Variants in SYN3 observed in about 807,000 individuals in gnomAD.
The protein encoded by SYN3 is synapsin III, also known as synapsin-3.
Under a neutral mutation model 65.8 loss-of-function variants are expected in SYN3, and 35 were observed. That is an observed-to-expected ratio of 0.53 (90% CI 0.41 to 0.70). The LOEUF (loss-of-function observed/expected upper bound fraction) is 0.70. Ranked by LOEUF, SYN3 falls within the 30% of genes least tolerant of loss-of-function variation. SYN3 has a pLI of 0.00. For missense variants in SYN3, 680 were observed against 749.0 expected (o/e 0.91, Z 1.08); for synonymous variants, 270 against 292.9 (o/e 0.92, Z 0.80).
chr22:32,954,106 AC>A (rs2051372600), intron 3 of SYN3, among the ~76,000 whole-genome samples: 1 of 138,578 alleles, frequency 7.2e-6, no homozygotes, highest in South Asian at 2.2e-4. Context: ...ACCCAACAAA[AC>A]AAAACAAAAC....
intron 3 of SYN3, among the ~76,000 whole-genome samples, chr22:32,975,325 A>C (rs1218520550): frequency 6.6e-6 from 1 of 151,160 alleles, no homozygotes; most frequent in Non-Finnish European, 1.5e-5. Context: ...CAGTGAGCGG[A>C]GATCTCACCA....
chr22:32,573,989 A>T (rs1601669615), intron 7 of SYN3, among the ~76,000 whole-genome samples: 1 of 147,946 alleles, frequency 6.8e-6, no homozygotes, highest in East Asian at 2.0e-4. Flanking sequence ...TGTTGCCCAG[A>T]CTGGTCTCGA....
At chr22:32,633,133 A>T (rs1349184653) in intron 6 of SYN3, among the ~76,000 whole-genome samples, 2 of 152,246 alleles carry the variant, frequency 1.3e-5, no homozygotes, top group Non-Finnish European at 2.9e-5. Flanking sequence ...TGCTGTAAAG[A>T]TGAAGGGATT....
chr22:32,878,274 C>T (rs1300718832), intron 4 of SYN3, among the ~76,000 whole-genome samples: 4 of 152,162 alleles, frequency 2.6e-5, no homozygotes, highest in Admixed American at 6.5e-5. Flanking sequence ...GTATGTCACC[C>T]TGAAGTCATG....
At chr22:32,793,931 T>C (rs2046374114) in intron 6 of SYN3, among the ~76,000 whole-genome samples, 5 of 152,224 alleles carry the variant, frequency 3.3e-5, no homozygotes, top group Admixed American at 3.3e-4. Context: ...TGGTGACTTG[T>C]ATACTAAAAT....
At chr22:33,037,361 C>T (rs1349337894) in intron 1 of SYN3, among the ~76,000 whole-genome samples, 3 of 152,166 alleles carry the variant, frequency 2.0e-5, no homozygotes, top group African/African-American at 4.8e-5. Flanking sequence ...GGGCTTCTTT[C>T]CTCATTTGAA....
At position 32,525,828 on chromosome 22, in the gene SYN3, A is replaced by G. The variant is rs116769914; in HGVS notation, c.1318+2090T>C. ...TTTGCGAGGACTGACTTCAAGTTTG[A>G]AAGAAGTTCTACTATGGGTAAAATG... is the stretch of plus-strand genomic sequence containing the variant. On this transcript the variant is annotated intron_variant, in intron 12 of 13. Transcript: ENST00000358763. 1.9e-3 allele frequency among the ~76,000 whole-genome samples: 288 copies of G among 152,338 alleles called. 3 individuals are homozygous for G. Among genetic ancestry groups the G allele is most frequent in the Middle Eastern group, 6.8e-3 (2 of 294 alleles).
Position 32,788,456 on chromosome 22 carries a change from G to A in SYN3, c.711+76459C>T, listed in dbSNP as rs139083176. ...CTCAGGAGGCTGAGGCAGGAGAATC[G>A]CTTGAACTCAGAAGGCGGAGGTTGC... is the stretch of plus-strand genomic sequence containing the variant. On this transcript the variant is annotated intron_variant, in intron 6 of 13. Transcript: ENST00000358763. 2.1e-3 allele frequency among the ~76,000 whole-genome samples: 316 copies of A among 152,072 alleles called. 3 individuals carry two copies. Among genetic ancestry groups the A allele is most frequent in the South Asian group, 0.012 (57 of 4,822 alleles).
At chr22:32,676,251 C>A (rs990225770) in intron 6 of SYN3, among the ~76,000 whole-genome samples, 3 of 2,574 alleles carry the variant, frequency 1.2e-3, no homozygotes, top group Non-Finnish European at 1.9e-3. Context: ...TTCATTAAGG[C>A]GTATCCCAGG....
intron 6 of SYN3, among the ~76,000 whole-genome samples, chr22:32,721,596 C>T (rs1430913313): frequency 6.6e-6 from 1 of 152,194 alleles, no homozygotes; most frequent in Non-Finnish European, 1.5e-5. Flanking sequence ...ACATAGCACA[C>T]TTTTGAATTC....
intron 6 of SYN3, among the ~76,000 whole-genome samples, chr22:32,668,417 T>C (rs1388619316): frequency 6.6e-6 from 1 of 150,986 alleles, no homozygotes; most frequent in Non-Finnish European, 1.5e-5. Flanking sequence ...GATGAGAAAT[T>C]GTTACATTGT....
intron 8 of SYN3, among the ~76,000 whole-genome samples, chr22:32,541,193 C>T (rs1263093845): frequency 6.6e-6 from 1 of 152,158 alleles, no homozygotes; most frequent in Non-Finnish European, 1.5e-5. Flanking sequence ...TTTATAAACA[C>T]AGATCAGACC....
intron 6 of SYN3, among the ~76,000 whole-genome samples, chr22:32,690,246 T>C (rs1601920053): frequency 6.6e-6 from 1 of 152,156 alleles, no homozygotes; most frequent in Non-Finnish European, 1.5e-5. Context: ...GAAGGTGCCA[T>C]CTATGAACCA....
At chr22:32,765,036 G>A (rs1363196860) in intron 6 of SYN3, among the ~76,000 whole-genome samples, 1 of 137,130 alleles carries the variant, frequency 7.3e-6, no homozygotes, top group African/African-American at 2.8e-5. Flanking sequence ...CCACCCCACT[G>A]TCCAGTTTCC....
intron 2 of SYN3, among the ~76,000 whole-genome samples, chr22:32,992,118 G>A (rs750605335): frequency 3.9e-5 from 6 of 152,356 alleles, no homozygotes; most frequent in Middle Eastern, 3.4e-3. Context: ...GAGAAAACAC[G>A]ACTCACAAGT....
intron 6 of SYN3, among the ~76,000 whole-genome samples, chr22:32,656,576 C>T (rs1252308770): frequency 8.5e-5 from 13 of 152,114 alleles, no homozygotes; most frequent in African/African-American, 3.1e-4. Flanking sequence ...GATCGATAGT[C>T]AATGTTTAAC....
chr22:32,771,066 A>C (rs1569211277), intron 6 of SYN3, among the ~76,000 whole-genome samples: 1 of 148,740 alleles, frequency 6.7e-6, no homozygotes, highest in Non-Finnish European at 1.5e-5. Flanking sequence ...CTTGCCCCTC[A>C]CCCCCCAACA....
chr22:32,921,270 C>G (rs543731716), intron 4 of SYN3, among the ~76,000 whole-genome samples: 2 of 152,276 alleles, frequency 1.3e-5, no homozygotes, highest in South Asian at 4.2e-4. Flanking sequence ...TAGATGACAT[C>G]TCATGTCATC....
At chr22:32,742,966 T>A (rs972275704) in intron 6 of SYN3, among the ~76,000 whole-genome samples, 2 of 152,162 alleles carry the variant, frequency 1.3e-5, no homozygotes, top group African/African-American at 4.8e-5. Flanking sequence ...TGCCCTCCGT[T>A]TATAGGGAAG....
Sources: gnomAD v4.1 joint callset for allele counts (sites outside exome capture counted in the v4.1 genomes callset) on GRCh38, gnomAD v4.1.1 for gene constraint, MANE v1.5 for transcripts, NCBI Gene and HGNC (gene_info 2026-07-23, HGNC 2026-07-21) for gene names.